Variants in MPP7 observed in about 807,000 individuals in gnomAD.
The protein encoded by MPP7 is MAGUK p55 subfamily member 7.
In MPP7, 60 loss-of-function variants were observed where a neutral mutation model predicts 76.5. That is an observed-to-expected ratio of 0.78 (90% CI 0.64 to 0.97). The LOEUF is 0.97. Among genes scored for constraint, MPP7 ranks in the 50% least tolerant of loss-of-function variants. MPP7 has a pLI of 0.00. For synonymous variants in MPP7, 237 were observed against 244.5 expected (o/e 0.97, Z 0.29); for missense variants, 641 against 694.0 (o/e 0.92, Z 0.86).
chr10:28,108,242 A>G (rs1834383223), intron 11 of MPP7, among the ~76,000 whole-genome samples: 1 of 152,254 alleles, frequency 6.6e-6, no homozygotes, highest in African/African-American at 2.4e-5. Context: ...ACAGTATTAG[A>G]GAAAATACAC....
At chr10:28,313,866 TA>T (rs150359241) in intron 2 of MPP7, among the ~76,000 whole-genome samples, 59,317 of 95,136 alleles carry the variant, frequency 0.62, 21,023 homozygotes, top group African/African-American at 0.71. Flanking sequence ...TTTTTTTTTT[TA>T]TTTTTTTTAT....
At chr10:28,129,384 A>C (rs557501260) in intron 6 of MPP7, among the ~76,000 whole-genome samples, 17 of 152,282 alleles carry the variant, frequency 1.1e-4, no homozygotes, top group African/African-American at 4.1e-4. Context: ...TTAGATTGAA[A>C]AAATAAATTC....
chr10:28,148,862 G>A (rs1395831327), intron 4 of MPP7, among the ~76,000 whole-genome samples: 1 of 152,112 alleles, frequency 6.6e-6, no homozygotes, highest in African/African-American at 2.4e-5. Flanking sequence ...CCAAAACTCT[G>A]AATAGTAAAT....
chr10:28,183,206 G>T (rs1182828330), intron 3 of MPP7, among the ~76,000 whole-genome samples: 1 of 152,148 alleles, frequency 6.6e-6, no homozygotes, highest in Non-Finnish European at 1.5e-5. Flanking sequence ...TCAAGATGAA[G>T]GTTATCACTG....
chr10:28,258,319 C>G (rs749459251), intron 1 of MPP7, among the ~76,000 whole-genome samples: 9 of 147,166 alleles, frequency 6.1e-5, no homozygotes, highest in Non-Finnish European at 8.9e-5. Flanking sequence ...CCTATATATA[C>G]TACTATCTAG....
intron 13 of MPP7, among the ~76,000 whole-genome samples, chr10:28,063,925 G>A (rs1263777196): frequency 2.0e-5 from 3 of 152,142 alleles, no homozygotes; most frequent in Admixed American, 6.5e-5. Context: ...CAAAAGTTTA[G>A]AAGACTGACT....
intron 1 of MPP7, among the ~76,000 whole-genome samples, chr10:28,285,664 A>G (rs1035408990): frequency 6.6e-6 from 1 of 152,242 alleles, no homozygotes; most frequent in Non-Finnish European, 1.5e-5. Flanking sequence ...ACAAAAAGTG[A>G]GACAACCAAT....
intron 12 of MPP7, among the ~76,000 whole-genome samples, chr10:28,088,366 T>G (rs1008510559): frequency 3.3e-5 from 5 of 152,060 alleles, no homozygotes; most frequent in African/African-American, 9.7e-5. Flanking sequence ...ATCACAGAGG[T>G]AGATTTCTCC....
chr10:28,095,813 A>G (rs1183572976), intron 11 of MPP7, among the ~76,000 whole-genome samples: 1 of 152,216 alleles, frequency 6.6e-6, no homozygotes, highest in African/African-American at 2.4e-5. Context: ...TTTACATAAA[A>G]AATATTTTTC....
chr10:28,076,368 G>C (rs1036210031), intron 12 of MPP7, among the ~76,000 whole-genome samples: 8 of 152,016 alleles, frequency 5.3e-5, no homozygotes, highest in Non-Finnish European at 1.2e-4. Context: ...ACCATGTAGG[G>C]GCTTACATAT....
At chr10:28,319,551 G>GA (rs886380257) in intron 2 of MPP7, among the ~76,000 whole-genome samples, 1 of 151,774 alleles carries the variant, frequency 6.6e-6, no homozygotes, top group Admixed American at 6.6e-5. Flanking sequence ...GGTGGTCTGG[G>GA]AAAAAAAGAG....
intron 3 of MPP7, among the ~76,000 whole-genome samples, chr10:28,171,821 T>G (rs1836691223): frequency 6.6e-6 from 1 of 152,188 alleles, no homozygotes; most frequent in African/African-American, 2.4e-5. Context: ...CACAGCAGAC[T>G]TTCTGTAGTT....
At chr10:28,278,432 T>C (rs915960604) in intron 1 of MPP7, among the ~76,000 whole-genome samples, 9 of 152,134 alleles carry the variant, frequency 5.9e-5, no homozygotes, top group Admixed American at 1.3e-4. Context: ...ATTTAAGGCA[T>C]ACAAACAAAG....
chr10:28,203,645 CTCAA>C (rs1837855721), intron 2 of MPP7, among the ~76,000 whole-genome samples: 1 of 152,104 alleles, frequency 6.6e-6, no homozygotes. Context: ...CTCAGCCTAA[CTCAA>C]TCTATAATAA....
chr10:28,270,862 T>C (rs913199439), intron 1 of MPP7, among the ~76,000 whole-genome samples: 2 of 152,190 alleles, frequency 1.3e-5, no homozygotes, highest in Non-Finnish European at 2.9e-5. Flanking sequence ...TAGCGCATGT[T>C]GCCTTTCCTC....
intron 1 of MPP7, among the ~76,000 whole-genome samples, chr10:28,302,261 G>T (rs1365905726): frequency 1.3e-5 from 2 of 152,076 alleles, no homozygotes; most frequent in East Asian, 3.9e-4. Context: ...GAGTTACTCG[G>T]CTGGGTCTAC....
intron 3 of MPP7, among the ~76,000 whole-genome samples, chr10:28,187,656 T>C (rs1468974387): frequency 6.6e-6 from 1 of 152,218 alleles, no homozygotes; most frequent in East Asian, 1.9e-4. Flanking sequence ...AAAGGGCCTA[T>C]TCCATGAGTA....
At chr10:28,275,826 C>G (rs1840477602) in intron 1 of MPP7, among the ~76,000 whole-genome samples, 1 of 151,954 alleles carries the variant, frequency 6.6e-6, no homozygotes, top group African/African-American at 2.4e-5. Flanking sequence ...ACGACAGAGC[C>G]ATTATGATAG....
Position 28,051,526 on chromosome 10 carries a change from A to C in MPP7, c.*2539T>G, listed in dbSNP as rs1851359390. On this transcript the variant is annotated 3_prime_UTR_variant, in exon 17 of 17. Transcript: ENST00000683449. ...TTGATTTTTAAATATATGAATTTTA[A>C]AAAGTGAACGTTCCTCTTCTCTTAC... 2 of 152,158 alleles carry C rather than the reference A, an allele frequency of 1.3e-5. No individual in the cohort carries two copies. The highest frequency in any genetic ancestry group is 1.3e-4 in the Admixed American group (2 of 15,276). 9.4% of individuals were successfully genotyped at this position (152,158 alleles called of 1,614,324 possible).
Sources: gnomAD v4.1 joint callset for allele counts (sites outside exome capture counted in the v4.1 genomes callset) on GRCh38, gnomAD v4.1.1 for gene constraint, MANE v1.5 for transcripts, NCBI Gene and HGNC (gene_info 2026-07-23, HGNC 2026-07-21) for gene names.